Variants in PALM2AKAP2 observed in about 807,000 individuals in gnomAD.
PALM2AKAP2 encodes the protein PALM2-AKAP2 fusion protein.
In PALM2AKAP2, 37 loss-of-function variants were observed where a neutral mutation model predicts 71.5. That is an observed-to-expected ratio of 0.52 (90% CI 0.40 to 0.68). The LOEUF (loss-of-function observed/expected upper bound fraction) is 0.68. Among genes scored for constraint, PALM2AKAP2 ranks in the 30% least tolerant of loss-of-function variants. PALM2AKAP2 has a pLI of 0.00. For synonymous variants in PALM2AKAP2, 468 were observed against 478.8 expected (o/e 0.98, Z 0.29); for missense variants, 1,224 against 1,191.8 (o/e 1.03, Z -0.40).
chr9:109,708,889 TCAGGACA>T (rs1828183495), intron 1 of PALM2AKAP2, among the ~76,000 whole-genome samples: 3 of 152,132 alleles, frequency 2.0e-5, no homozygotes, highest in Admixed American at 2.0e-4. Flanking sequence ...AAACCTAGAC[TCAGGACA>T]AGATCTGGGA....
At chr9:110,126,950 C>T (rs989041861) in intron 1 of PALM2AKAP2, among the ~76,000 whole-genome samples, 13 of 152,224 alleles carry the variant, frequency 8.5e-5, no homozygotes, top group Non-Finnish European at 1.3e-4. Context: ...ATTGACCAGT[C>T]TCCTTCACTA....
intron 1 of PALM2AKAP2, among the ~76,000 whole-genome samples, chr9:109,833,675 C>T (rs1460236061): frequency 6.6e-6 from 1 of 152,164 alleles, no homozygotes; most frequent in Non-Finnish European, 1.5e-5. Flanking sequence ...TGGGACTGCC[C>T]TAAACAGTAC....
upstream of PALM2AKAP2, chr9:110,048,673 G>C: frequency 1.3e-6 from 2 of 1,502,528 alleles, no homozygotes; most frequent in South Asian, 1.3e-5. Flanking sequence ...GCCCTCCAGC[G>C]CGCCCGGAGG....
chr9:109,666,257 C>T (rs1478758064), intron 1 of PALM2AKAP2, among the ~76,000 whole-genome samples: 1 of 152,154 alleles, frequency 6.6e-6, no homozygotes, highest in Non-Finnish European at 1.5e-5. Flanking sequence ...CAGAAATCAC[C>T]CATCTTCTGC....
chr9:109,775,592 A>G (rs1274567868), upstream of PALM2AKAP2, among the ~76,000 whole-genome samples: 1 of 152,218 alleles, frequency 6.6e-6, no homozygotes, highest in African/African-American at 2.4e-5. Context: ...TTTTCAAAAG[A>G]TCCCAGGCAA....
At chr9:109,815,180 G>T (rs890114979) in intron 1 of PALM2AKAP2, among the ~76,000 whole-genome samples, 1 of 152,096 alleles carries the variant, frequency 6.6e-6, no homozygotes, top group Non-Finnish European at 1.5e-5. Context: ...AGGGTGAGAG[G>T]TATGGAGAAA....
Position 110,156,320 on chromosome 9 carries a change from G to GA in PALM2AKAP2, c.2575dup (p.Ile859AsnfsTer13). ...GGTATTTTCTTCGTGTTGTTTCAGGGAAAATAGAGAAAGTCAAACCTCCTC... is the reference window on the plus strand; with the variant it reads ...GGTATTTTCTTCGTGTTGTTTCAGGGAAAAATAGAGAAAGTCAAACCTCCTC... On this transcript the variant is annotated frameshift_variant and splice_region_variant, in exon 3 of 4. Coordinates refer to ENST00000374525, the Ensembl canonical transcript of PALM2AKAP2. LOFTEE classifies it high-confidence loss of function. The GA allele has an allele frequency of 6.4e-7, 1 of 1,571,954 alleles. No individual in the cohort carries two copies. Among genetic ancestry groups the GA allele is most frequent in the Non-Finnish European group, 8.6e-7 (1 of 1,159,454 alleles).
At chr9:109,975,865 G>C (rs1204773617) in intron 6 of PALM2AKAP2, among the ~76,000 whole-genome samples, 1 of 152,234 alleles carries the variant, frequency 6.6e-6, no homozygotes, top group Non-Finnish European at 1.5e-5. Flanking sequence ...TGTGCATTCA[G>C]GGTCAGCCGG....
chr9:110,124,042 T>C (rs1027925603), intron 1 of PALM2AKAP2, among the ~76,000 whole-genome samples: 2 of 152,236 alleles, frequency 1.3e-5, no homozygotes, highest in Non-Finnish European at 1.5e-5. Context: ...AAGTCAGTCA[T>C]TGAGGAACTC....
intron 1 of PALM2AKAP2, among the ~76,000 whole-genome samples, chr9:109,838,290 T>C (rs987798801): frequency 2.0e-5 from 3 of 152,044 alleles, no homozygotes; most frequent in Non-Finnish European, 2.9e-5. Context: ...GGGTACATAA[T>C]GAAATGAAGG....
chr9:110,051,853 A>C (rs1833716803), intron 1 of PALM2AKAP2, among the ~76,000 whole-genome samples: 1 of 151,676 alleles, frequency 6.6e-6, no homozygotes, highest in Admixed American at 6.6e-5. Flanking sequence ...GTAATTGATT[A>C]GTATCTTGAT....
At chr9:109,905,532 G>A (rs1224173406) in intron 3 of PALM2AKAP2, among the ~76,000 whole-genome samples, 1 of 152,212 alleles carries the variant, frequency 6.6e-6, no homozygotes, top group Non-Finnish European at 1.5e-5. Flanking sequence ...ACAGTGCAGG[G>A]TGGCGATCTA....
intron 1 of PALM2AKAP2, among the ~76,000 whole-genome samples, chr9:110,066,366 C>T (rs1236093099): frequency 6.6e-6 from 1 of 152,140 alleles, no homozygotes; most frequent in Admixed American, 6.5e-5. Flanking sequence ...GATAATAGTA[C>T]TTACCTCATA....
chr9:110,053,675 A>G (rs1833766410), intron 1 of PALM2AKAP2, among the ~76,000 whole-genome samples: 1 of 152,176 alleles, frequency 6.6e-6, no homozygotes, highest in South Asian at 2.1e-4. Flanking sequence ...CTGTGGAGGC[A>G]GAATGCTGCT....
chr9:109,750,084 C>A (rs925882937), intron 1 of PALM2AKAP2, among the ~76,000 whole-genome samples: 32 of 152,060 alleles, frequency 2.1e-4, no homozygotes, highest in African/African-American at 7.5e-4. Context: ...GTAGGTAAAC[C>A]CCTGGATGGT....
rs149196239 is a variant in PALM2AKAP2 at position 110,137,830 on chromosome 9, C to T, written c.1860C>T (p.Asn620=). Residue 620 remains asparagine (N), a synonymous_variant, in exon 2 of 4, where the codon AAC becomes AAT. Transcript: ENST00000374525. ...TGCCCCAGACACCACAAACTGACAACCCCTCAGAGGGCCGAGGAGAAGGCG... is the reference window on the plus strand; with the variant it reads ...TGCCCCAGACACCACAAACTGACAATCCCTCAGAGGGCCGAGGAGAAGGCG... 2.2e-4 allele frequency: 358 copies of T among 1,614,148 alleles called. 1 individual carries two copies. In the African/African-American group the frequency reaches 4.3e-3, roughly 19 times the overall value.
chr9:110,102,196 TCTC>T (rs1462752858), intron 1 of PALM2AKAP2, among the ~76,000 whole-genome samples: 2 of 152,196 alleles, frequency 1.3e-5, no homozygotes, highest in African/African-American at 2.4e-5. Context: ...CGGCTTTGTG[TCTC>T]CTCTGCATTT....
intron 1 of PALM2AKAP2, among the ~76,000 whole-genome samples, chr9:109,742,148 A>G (rs1447274990): frequency 1.3e-5 from 2 of 152,168 alleles, no homozygotes; most frequent in South Asian, 2.1e-4. Context: ...CCAGCAAATG[A>G]CATAACTTTT....
intron 1 of PALM2AKAP2, among the ~76,000 whole-genome samples, chr9:109,750,131 C>A (rs1025765465): frequency 6.6e-6 from 1 of 152,146 alleles, no homozygotes; most frequent in African/African-American, 2.4e-5. Context: ...GTGAAAGAAA[C>A]TCCGTGAAAC....
Sources: allele counts gnomAD v4.1 joint callset (sites outside exome capture counted in the v4.1 genomes callset), GRCh38; gene constraint gnomAD v4.1.1; transcripts MANE v1.5; gene names NCBI Gene and HGNC (gene_info 2026-07-23, HGNC 2026-07-21).